MAP1LC3B2: variants seen among roughly 807,000 people sequenced by gnomAD.
The protein encoded by MAP1LC3B2 is microtubule associated protein 1 light chain 3 beta 2, also known as microtubule-associated protein 1 light chain 3 beta 2.
For missense variants in MAP1LC3B2, 155 were observed against 154.6 expected (o/e 1.00, Z -0.01); for synonymous variants, 62 against 57.8 (o/e 1.07, Z -0.33).
chr12:116,559,806 A>G (rs1480778149), intron 1 of MAP1LC3B2: 1 of 152,194 alleles, frequency 6.6e-6, no homozygotes. Flanking sequence ...GAGACTTTCA[A>G]AAGGTACCCA....
chr12:116,575,831 T>C lies in MAP1LC3B2; in HGVS notation c.-101-11T>C. 7.9e-7 allele frequency: 1 copy of C among 1,261,506 alleles called. No homozygotes were observed. Among genetic ancestry groups the C allele is most frequent in the Non-Finnish European group, 1.1e-6 (1 of 883,928 alleles). The allele number at this position is 1,261,506 out of a possible 1,614,324, so 78.1% of individuals were successfully genotyped here. On this transcript the variant is annotated splice_polypyrimidine_tract_variant and intron_variant, in intron 1 of 1. Coordinates refer to ENST00000556529, the MANE Select transcript of MAP1LC3B2 (RefSeq NM_001085481.3). ...CAACTACTCAGCTCTGTTGTTATTGTGCAAAAATAGCCTTACACGGCCACA... is the reference window on the plus strand; with the variant it reads ...CAACTACTCAGCTCTGTTGTTATTGCGCAAAAATAGCCTTACACGGCCACA...
At chr12:116,569,214 A>G (rs1322918358) in intron 1 of MAP1LC3B2, among the ~76,000 whole-genome samples, 1 of 152,084 alleles carries the variant, frequency 6.6e-6, no homozygotes, top group Admixed American at 6.6e-5. Context: ...AGTCTATGAT[A>G]TTCTGTTATA....
chr12:116,565,216 T>C (rs911375686), intron 1 of MAP1LC3B2, among the ~76,000 whole-genome samples: 1 of 152,132 alleles, frequency 6.6e-6, no homozygotes, highest in Non-Finnish European at 1.5e-5. Flanking sequence ...CTTAGTCTGT[T>C]TTCACACTGC....
chr12:116,574,669 A>G (rs1319558971), intron 1 of MAP1LC3B2, among the ~76,000 whole-genome samples: 1 of 151,204 alleles, frequency 6.6e-6, no homozygotes, highest in Non-Finnish European at 1.5e-5. Context: ...AAAAAAAAGC[A>G]TACAAACACA....
At chr12:116,571,667 G>A (rs1238089658) in intron 1 of MAP1LC3B2, among the ~76,000 whole-genome samples, 1 of 151,230 alleles carries the variant, frequency 6.6e-6, no homozygotes, top group East Asian at 1.9e-4. Flanking sequence ...ATTTTTAGTA[G>A]AGACGGGATT....
intron 1 of MAP1LC3B2, among the ~76,000 whole-genome samples, chr12:116,567,200 T>C (rs73393193): frequency 0.012 from 1,892 of 152,064 alleles, 40 homozygotes; most frequent in African/African-American, 0.043. Flanking sequence ...CAAATTGAAA[T>C]TATAGGCAAG....
At chr12:116,571,455 G>GTT (rs1869529426) in intron 1 of MAP1LC3B2, among the ~76,000 whole-genome samples, 2 of 67,946 alleles carry the variant, frequency 2.9e-5, no homozygotes, top group African/African-American at 5.4e-5. Context: ...AGGGACTGCT[G>GTT]TTCTTTTTTT....
intron 1 of MAP1LC3B2, among the ~76,000 whole-genome samples, chr12:116,567,106 T>C (rs781514696): frequency 1.1e-4 from 16 of 152,006 alleles, no homozygotes; most frequent in Non-Finnish European, 1.9e-4. Context: ...AAGTTAGCTC[T>C]TTGGCTAATT....
chr12:116,560,195 T>TATATATATAC (rs1869219826), intron 1 of MAP1LC3B2: 1 of 3,400 alleles, frequency 2.9e-4, no homozygotes, highest in African/African-American at 6.1e-4. Context: ...TGGCTATATA[T>TATATATATAC]ATATATATAT....
rs71095564 is a variant in MAP1LC3B2, at chr12:116,571,458, C to CTTTTTTTTTTTTTTTTTTTTTT, written c.-101-4365_-101-4344dup. The stretch of plus-strand genomic sequence containing the variant: ...TAGATGGGAGTAAGGGACTGCTGTT[C>CTTTTTTTTTTTTTTTTTTTTTT]TTTTTTTTTTTTTTTTTTTTTTTTT... On this transcript the variant is annotated intron_variant, in intron 1 of 1. Coordinates refer to ENST00000556529, the MANE Select transcript of MAP1LC3B2 (RefSeq NM_001085481.3). 6.2e-5 allele frequency among the ~76,000 whole-genome samples: 3 copies of CTTTTTTTTTTTTTTTTTTTTTT among 48,104 alleles called. 1 individual carries two copies. Among genetic ancestry groups the CTTTTTTTTTTTTTTTTTTTTTT allele is most frequent in the African/African-American group, 2.6e-4 (3 of 11,606 alleles). The allele number at this position is 48,104 out of a possible 152,430, so 31.6% of individuals were successfully genotyped here.
intron 1 of MAP1LC3B2, among the ~76,000 whole-genome samples, chr12:116,568,059 C>T (rs1035709991): frequency 3.9e-5 from 6 of 152,200 alleles, no homozygotes; most frequent in African/African-American, 1.4e-4. Context: ...ATGTGAATCT[C>T]CAGTCAGGCC....
chr12:116,562,099 G>A (rs954550834), intron 1 of MAP1LC3B2, among the ~76,000 whole-genome samples: 9 of 152,184 alleles, frequency 5.9e-5, no homozygotes, highest in Admixed American at 2.6e-4. Flanking sequence ...GCCGAAACTC[G>A]TAGGGAAAAG....
chr12:116,576,132 A>G lies in MAP1LC3B2; in HGVS notation c.190A>G (p.Ile64Val). The G allele has an allele frequency of 6.2e-7, 1 of 1,614,118 alleles. No individual in the cohort carries two copies. The highest frequency in any genetic ancestry group is 1.1e-5 in the South Asian group (1 of 91,080). The stretch of plus-strand genomic sequence containing the variant: ...TGACCATGTCAACATGAGTGAGCTC[A>G]TCAAGATAATTAGAAGGCGCTTACA... ...VPDHVNMSEL[I>V]KIIRRRLQLN... Residue 64 changes from isoleucine to valine, a missense_variant, in exon 2 of 2, where the codon ATC becomes GTC. By Grantham distance (29) the Ile-to-Val change is conservative. Coordinates refer to ENST00000556529, the MANE Select transcript of MAP1LC3B2 (RefSeq NM_001085481.3).
intron 1 of MAP1LC3B2, among the ~76,000 whole-genome samples, chr12:116,570,797 GTTT>G (rs2136962755): frequency 6.6e-6 from 1 of 152,324 alleles, no homozygotes; most frequent in East Asian, 1.9e-4. Context: ...AAGCTATGAT[GTTT>G]GGTAGGTTAG....
chr12:116,565,566 G>A (rs1869366616), intron 1 of MAP1LC3B2, among the ~76,000 whole-genome samples: 2 of 152,192 alleles, frequency 1.3e-5, no homozygotes, highest in African/African-American at 4.8e-5. Context: ...TGGGGACACA[G>A]AGCCAAACCA....
chr12:116,560,209 T>C (rs1267007878), intron 1 of MAP1LC3B2: 13 of 55,472 alleles, frequency 2.3e-4, no homozygotes, highest in Non-Finnish European at 3.1e-4. Flanking sequence ...TATATATATA[T>C]ATATATATAT....
intron 1 of MAP1LC3B2, chr12:116,560,109 C>T (rs983687640): frequency 6.7e-6 from 1 of 148,230 alleles, no homozygotes; most frequent in Non-Finnish European, 1.5e-5. Flanking sequence ...GCTCACTAAC[C>T]GATCCAAGCT....
Sources: allele counts gnomAD v4.1 joint callset (sites outside exome capture counted in the v4.1 genomes callset), GRCh38; gene constraint gnomAD v4.1.1; transcripts MANE v1.5; gene names NCBI Gene and HGNC (gene_info 2026-07-23, HGNC 2026-07-21).